ROBO2: variants seen among roughly 807,000 people sequenced by gnomAD.
ROBO2 encodes the protein roundabout guidance receptor 2.
ROBO2 carries 53 observed loss-of-function variants against 160.8 expected under a neutral mutation model. The observed-to-expected ratio is 0.33, with a 90% confidence interval of 0.26 to 0.41. The LOEUF is 0.41. Ranked by LOEUF, ROBO2 falls within the 10% of genes least tolerant of loss-of-function variation. ROBO2 has a pLI of 1.00. For synonymous variants in ROBO2, 664 were observed against 611.7 expected (o/e 1.09, Z -1.26); for missense variants, 1,577 against 1,722.4 (o/e 0.92, Z 1.49).
At chr3:75,964,345 GC>G (rs1949031021) in intron 2 of ROBO2, among the ~76,000 whole-genome samples, 1 of 151,584 alleles carries the variant, frequency 6.6e-6, no homozygotes, top group Admixed American at 6.6e-5. Flanking sequence ...TTTACGTAAA[GC>G]TTTTATATAG....
At chr3:76,957,242 C>T (rs1462862973) in intron 2 of ROBO2, among the ~76,000 whole-genome samples, 1 of 151,498 alleles carries the variant, frequency 6.6e-6, no homozygotes, top group African/African-American at 2.4e-5. Flanking sequence ...CATTTGCTTC[C>T]AATAGTCTCT....
chr3:75,948,518 A>G (rs1356639320), intron 2 of ROBO2, among the ~76,000 whole-genome samples: 1 of 151,984 alleles, frequency 6.6e-6, no homozygotes, highest in Non-Finnish European at 1.5e-5. Flanking sequence ...TGGCCCAAAT[A>G]TTTCCTTCTA....
intron 2 of ROBO2, among the ~76,000 whole-genome samples, chr3:76,848,229 A>G (rs2068965753): frequency 6.6e-6 from 1 of 152,194 alleles, no homozygotes; most frequent in Non-Finnish European, 1.5e-5. Context: ...TAAATCTTAT[A>G]TTGAATTAAA....
At chr3:76,640,916 G>A (rs547209448) in intron 2 of ROBO2, among the ~76,000 whole-genome samples, 53 of 152,060 alleles carry the variant, frequency 3.5e-4, no homozygotes, top group Admixed American at 8.5e-4. Flanking sequence ...TCATTTGAGC[G>A]GCAAAATGAA....
intron 2 of ROBO2, among the ~76,000 whole-genome samples, chr3:76,143,860 G>A (rs553413285): frequency 6.6e-6 from 1 of 152,140 alleles, no homozygotes; most frequent in African/African-American, 2.4e-5. Context: ...TGAAGGCCTC[G>A]GGGCCAGGAG....
intron 2 of ROBO2, among the ~76,000 whole-genome samples, chr3:76,479,787 C>T (rs191482777): frequency 5.3e-5 from 8 of 152,234 alleles, no homozygotes; most frequent in African/African-American, 1.7e-4. Flanking sequence ...AGTGACTTGC[C>T]CAGGGTCTCA....
intron 2 of ROBO2, chr3:76,434,074 G>T (rs1158179105): frequency 1.5e-6 from 2 of 1,317,394 alleles, no homozygotes; most frequent in Non-Finnish European, 2.2e-6. Flanking sequence ...GCCTCCTGGA[G>T]GCAGTATCCC....
At chr3:77,503,382 A>T (rs887298341) in intron 5 of ROBO2, among the ~76,000 whole-genome samples, 2 of 151,208 alleles carry the variant, frequency 1.3e-5, no homozygotes, top group African/African-American at 2.4e-5. Context: ...AAAATTAGCC[A>T]GGCGTGGTGG....
At chr3:76,216,148 C>G (rs758518585) in intron 2 of ROBO2, among the ~76,000 whole-genome samples, 15 of 152,166 alleles carry the variant, frequency 9.9e-5, no homozygotes, top group East Asian at 5.8e-4. Context: ...CCTAAAAGAG[C>G]TCCTGAAGGA....
At chr3:76,475,180 G>A (rs546888488) in intron 2 of ROBO2, among the ~76,000 whole-genome samples, 1 of 152,092 alleles carries the variant, frequency 6.6e-6, no homozygotes, top group Non-Finnish European at 1.5e-5. Flanking sequence ...TCACTCATAA[G>A]ATGGTATTTG....
At chr3:77,519,822 T>C (rs1265575173) in intron 5 of ROBO2, among the ~76,000 whole-genome samples, 2 of 151,428 alleles carry the variant, frequency 1.3e-5, no homozygotes, top group Non-Finnish European at 3.0e-5. Context: ...GGTCAAATGG[T>C]AGTTCTGTTT....
intron 2 of ROBO2, among the ~76,000 whole-genome samples, chr3:76,898,450 A>G (rs2074979251): frequency 6.6e-6 from 1 of 152,208 alleles, no homozygotes; most frequent in South Asian, 2.1e-4. Flanking sequence ...AATAGCAAAA[A>G]CTTTAATACA....
chr3:76,445,749 G>T lies in ROBO2; in HGVS notation c.109+508147G>T, dbSNP rs563696458. Among the ~76,000 whole-genome samples, 6 of 152,156 alleles carry T rather than the reference G, an allele frequency of 3.9e-5. No homozygotes were observed. The East Asian group carries it at 1.2e-3, about 29-fold the overall frequency. On this transcript the variant is annotated intron_variant, in intron 2 of 26. Transcript: ENST00000487694. ...GCTGGTTCAACATACGAAAATCAAT[G>T]AACGTAATCCAGCATATAAACAGAA...
chr3:77,048,625 A>T (rs928536231), intron 1 of ROBO2, among the ~76,000 whole-genome samples: 3 of 152,200 alleles, frequency 2.0e-5, no homozygotes, highest in African/African-American at 7.2e-5. Flanking sequence ...AGAACCGAAG[A>T]CCTAAGTAAA....
chr3:76,351,277 A>C (rs529330521), intron 2 of ROBO2, among the ~76,000 whole-genome samples: 10 of 151,928 alleles, frequency 6.6e-5, no homozygotes, highest in African/African-American at 2.2e-4. Flanking sequence ...AAAGCACAAT[A>C]CTAATAGCAA....
At chr3:76,007,516 G>A (rs1379072431) in intron 2 of ROBO2, among the ~76,000 whole-genome samples, 1 of 151,782 alleles carries the variant, frequency 6.6e-6, no homozygotes, top group African/African-American at 2.4e-5. Context: ...TAAAAAGCAG[G>A]TATTTTTTTC....
intron 2 of ROBO2, among the ~76,000 whole-genome samples, chr3:76,831,999 A>G (rs1244069420): frequency 6.6e-6 from 1 of 152,194 alleles, no homozygotes; most frequent in Non-Finnish European, 1.5e-5. Flanking sequence ...GGGGAAGGGC[A>G]AAAATCAATC....
intron 2 of ROBO2, among the ~76,000 whole-genome samples, chr3:76,564,533 T>C (rs2084393660): frequency 6.6e-6 from 1 of 152,170 alleles, no homozygotes; most frequent in South Asian, 2.1e-4. Context: ...CTCACATTTT[T>C]ATCCAAATTG....
At chr3:77,641,530 A>T (rs1325106107) in intron 24 of ROBO2, among the ~76,000 whole-genome samples, 1 of 152,220 alleles carries the variant, frequency 6.6e-6, no homozygotes, top group Non-Finnish European at 1.5e-5. Flanking sequence ...ACATTTACAA[A>T]AATGGCATCA....
Sources: gnomAD v4.1 joint callset for allele counts (sites outside exome capture counted in the v4.1 genomes callset) on GRCh38, gnomAD v4.1.1 for gene constraint, MANE v1.5 for transcripts, NCBI Gene and HGNC (gene_info 2026-07-23, HGNC 2026-07-21) for gene names.